LCAT: variants seen among roughly 807,000 people sequenced by gnomAD.
The protein encoded by LCAT is lecithin-cholesterol acyltransferase.
A neutral mutation model predicts 41.0 loss-of-function variants in LCAT; 15 were observed. The ratio of observed to expected loss-of-function variants is 0.37; its 90% confidence interval spans 0.24 to 0.56. LCAT has a LOEUF of 0.56. LCAT is among the 20% of genes least tolerant of loss of function. The probability of loss-of-function intolerance (pLI) is 0.81; values close to 1 mark genes in which losing one functional copy is unlikely to be tolerated. For missense variants in LCAT, 449 were observed against 595.1 expected (o/e 0.75, Z 2.55); for synonymous variants, 248 against 245.4 (o/e 1.01, Z -0.10).
chr16:67,940,360 G>T lies in LCAT; in HGVS notation c.867C>A (p.Phe289Leu), dbSNP rs761999436. 27 of 1,614,028 alleles carry T rather than the reference G, an allele frequency of 1.7e-5. No individual in the cohort carries two copies. In the Admixed American group the frequency reaches 4.5e-4, roughly 27 times the overall value. ...SRMAWPEDHV[F>L]ISTPSFNYTG... Reference sequence around the variant, plus strand: ...TGTAGTTGAAGCTGGGTGTGGAAATGAACACGTGGTCCTCAGGCCACGCCA... The same window carrying T: ...TGTAGTTGAAGCTGGGTGTGGAAATTAACACGTGGTCCTCAGGCCACGCCA... The change falls in exon 6 of 6, where the codon TTC (phenylalanine) becomes TTA (leucine). Residue 289 changes from phenylalanine (F) to leucine (L), a missense_variant. Transcript: ENST00000264005.
In LCAT at chr16:67,943,970, G is replaced by A. The variant is rs2058312643; in HGVS notation, c.132C>T (p.Asn44=). 6.5e-7 allele frequency: 1 copy of A among 1,548,212 alleles called. No homozygotes were observed. Among genetic ancestry groups the A allele is most frequent in the Non-Finnish European group, 8.7e-7 (1 of 1,145,454 alleles). ...PHTTPKAELS[N]HTRPVILVPG... is the part of the protein sequence containing the mutation. ...TACCGAGGATGACGGGCCGTGTGTG[G>A]TTACTGAGCTCAGCCTTGGGCGTGG... Residue 44 remains asparagine (N), a synonymous_variant, in exon 1 of 6, where the codon AAC becomes AAT. Transcript: ENST00000264005. The surrounding 1 kb of genome is among the most constrained non-coding windows in gnomAD (Gnocchi z 4.6).
rs1336993960 is a variant in LCAT at position 67,939,887 on chromosome 16, G to C, written c.*17C>G. 1.2e-6 allele frequency: 2 copies of C among 1,608,688 alleles called. No homozygotes were observed. The highest frequency in any genetic ancestry group is 3.3e-5 in the Admixed American group (2 of 59,908). Reference sequence around the variant, plus strand: ...TGAAACATAGCCATCAGGGCTTACGGTAGCAAAGGAAGGTCTTTATTCAGG... The same window carrying C: ...TGAAACATAGCCATCAGGGCTTACGCTAGCAAAGGAAGGTCTTTATTCAGG... On this transcript the variant is annotated 3_prime_UTR_variant, in exon 6 of 6. Transcript: ENST00000264005.
chr16:67,942,918 C>T lies in LCAT; in HGVS notation c.370G>A (p.Val124Ile), dbSNP rs753579128. Residue 124 changes from valine to isoleucine, a missense_variant, in exon 3 of 6, where the codon GTC becomes ATC. By Grantham distance (29) the Val-to-Ile change is conservative. Coordinates refer to ENST00000264005, the MANE Select transcript of LCAT (RefSeq NM_000229.2). This position sits in a 1 kb window ranked among gnomAD's most constrained non-coding sequence, Gnocchi z 6.6. ...VSNAPGVQIR[V>I]PGFGKTYSVE... Reference sequence around the variant, plus strand: ...GAGTAGGTCTTGCCAAAGCCAGGGACGCGGATCTGGACACCAGGGGCGTTG... The same window carrying T: ...GAGTAGGTCTTGCCAAAGCCAGGGATGCGGATCTGGACACCAGGGGCGTTG... 41 of 1,613,748 alleles carry T rather than the reference C, an allele frequency of 2.5e-5. No homozygotes were observed. The South Asian group carries it at 4.1e-4, about 16-fold the overall frequency.
chr16:67,940,124 C>A lies in LCAT; in HGVS notation c.1103G>T (p.Gly368Val), dbSNP rs768470128. 9.3e-6 allele frequency: 15 copies of A among 1,613,366 alleles called. No individual in the cohort carries two copies. Among genetic ancestry groups the A allele is most frequent in the Non-Finnish European group, 1.2e-5 (14 of 1,180,032 alleles). The change falls in exon 6 of 6, where the codon GGT becomes GTT. Residue 368 changes from glycine (G) to valine (V), a missense_variant. Physicochemically the swap from Gly to Val is moderately radical, Grantham distance 109. Transcript: ENST00000264005. ...GCTGCGGGTCGCCACCGTGTCATCA[C>A]CATCCTCATAGAGCACACCCACAGG... ...TDPVGVLYED[G>V]DDTVATRSTE...
At position 67,940,497 on chromosome 16, in the gene LCAT, G is replaced by A; in HGVS notation, c.749-19C>T. 1.2e-6 allele frequency: 2 copies of A among 1,613,514 alleles called. No individual in the cohort carries two copies. Among genetic ancestry groups the A allele is most frequent in the African/African-American group, 1.3e-5 (1 of 74,996 alleles). ...TTGTCACCTGTGGATATGGAGCAAG[G>A]TGGGACAGGGAGCCAGGCCTGGCTA... On this transcript the variant is annotated intron_variant, in intron 5 of 5. Coordinates refer to ENST00000264005, the MANE Select transcript of LCAT (RefSeq NM_000229.2).
Position 67,943,066 on chromosome 16 carries a change from C to T in LCAT, c.301G>A (p.Asp101Asn), listed in dbSNP as rs538148718. The change falls in exon 2 of 6, where the codon GAT (aspartate) becomes AAT (asparagine). Residue 101 changes from aspartate to asparagine, a missense_variant. Transcript: ENST00000264005. The surrounding 1 kb of genome is among the most constrained non-coding windows in gnomAD (Gnocchi z 4.6). ...FLPLGVDCWI[D>N]NTRVVYNRSS... ...AGCACATGGCTGTACCTGGTGTTAT[C>T]GATCCAGCAGTCTACCCCAAGGGGT... 10 of 1,613,948 alleles carry T rather than the reference C, an allele frequency of 6.2e-6. No homozygotes were observed. Among genetic ancestry groups the T allele is most frequent in the African/African-American group, 2.7e-5 (2 of 74,994 alleles).
chr16:67,939,773 A>T lies in LCAT; in HGVS notation c.*131T>A. ...CCAGCTCAGTCCCAGGCCTCAGCAG[A>T]GCCCATCTTGCCTCACTGCACACAG... On this transcript the variant is annotated 3_prime_UTR_variant, in exon 6 of 6. Coordinates refer to ENST00000264005, the MANE Select transcript of LCAT (RefSeq NM_000229.2). 6.8e-7 allele frequency: 1 copy of T among 1,474,010 alleles called. No individual in the cohort carries two copies. The highest frequency in any genetic ancestry group is 9.1e-7 in the Non-Finnish European group (1 of 1,096,964). The allele number at this position is 1,474,010 out of a possible 1,614,324, so 91.3% of individuals were successfully genotyped here. A position where few individuals can be genotyped will look rare whatever the true frequency, so the allele number is the denominator to read the frequency against.
In LCAT at chr16:67,942,898, G is replaced by A; in HGVS notation, c.390C>T (p.Thr130=). The A allele has an allele frequency of 6.2e-7, 1 of 1,613,866 alleles. No homozygotes were observed. The part of the protein sequence containing the change: ...VQIRVPGFGK[T]YSVEYLDSSK... Reference sequence around the variant, plus strand: ...TGCTGTCCAGGTACTCCACAGAGTAGGTCTTGCCAAAGCCAGGGACGCGGA... The same window carrying A: ...TGCTGTCCAGGTACTCCACAGAGTAAGTCTTGCCAAAGCCAGGGACGCGGA... Residue 130 remains threonine, a synonymous_variant, in exon 3 of 6, where the codon ACC becomes ACT. Transcript: ENST00000264005. This position sits in a 1 kb window ranked among gnomAD's most constrained non-coding sequence, Gnocchi z 6.6.
rs115439823 is a variant in LCAT, at chr16:67,940,626, T to C, written c.749-148A>G. ...AAGCCACAGGCTTGAGCAGGCCTGA[T>C]ATTCAATGATGCTCAGTGTCAGCTT... On this transcript the variant is annotated intron_variant, in intron 5 of 5. Coordinates refer to ENST00000264005, the MANE Select transcript of LCAT (RefSeq NM_000229.2). 9 of 1,300,138 alleles carry C rather than the reference T, an allele frequency of 6.9e-6. No homozygotes were observed. The African/African-American group carries it at 1.3e-4, about 19-fold the overall frequency. 80.5% of individuals were successfully genotyped at this position (1,300,138 alleles called of 1,614,324 possible). A position where few individuals can be genotyped will look rare whatever the true frequency, so the allele number is the denominator to read the frequency against.
chr16:67,943,732 C>T lies in LCAT; in HGVS notation c.154+216G>A, dbSNP rs1015784357. 1.2e-5 allele frequency: 7 copies of T among 580,166 alleles called. No individual in the cohort carries two copies. The highest frequency in any genetic ancestry group is 6.3e-5 in the Admixed American group (2 of 31,600). The allele number at this position is 580,166 out of a possible 1,614,324, so 35.9% of individuals were successfully genotyped here. A position where few individuals can be genotyped will look rare whatever the true frequency, so the allele number is the denominator to read the frequency against. On this transcript the variant is annotated intron_variant, in intron 1 of 5. Transcript: ENST00000264005. The surrounding 1 kb of genome is among the most constrained non-coding windows in gnomAD (Gnocchi z 4.6). Reference sequence around the variant, plus strand: ...AGGCACACCCCGTCCCCCACTCCGCCCCCCCTGGGTTAGACAACTGAGAGT... The same window carrying T: ...AGGCACACCCCGTCCCCCACTCCGCTCCCCCTGGGTTAGACAACTGAGAGT...
At chr16:67,940,636 T>C (rs1200383248) in intron 5 of LCAT, 158 bp from the exon 6 acceptor site, 14 of 1,246,042 alleles carry the variant, frequency 1.1e-5, no homozygotes, top group Middle Eastern at 2.8e-4. Flanking sequence ...TATTCAATGA[T>C]GCTCAGTGTC....
At position 67,943,909 on chromosome 16, in the gene LCAT, G is replaced by T; in HGVS notation, c.154+39C>A. On this transcript the variant is annotated intron_variant, in intron 1 of 5. Coordinates refer to ENST00000264005, the MANE Select transcript of LCAT (RefSeq NM_000229.2). This position sits in a 1 kb window ranked among gnomAD's most constrained non-coding sequence, Gnocchi z 4.6. Reference sequence around the variant, plus strand: ...AGGGGCTGGGGCCCAGGCTCCCCAGGGTCTGGCGTGGTGCATCAGGGGCCT... The same window carrying T: ...AGGGGCTGGGGCCCAGGCTCCCCAGTGTCTGGCGTGGTGCATCAGGGGCCT... 1 of 1,514,264 alleles carries T rather than the reference G, an allele frequency of 6.6e-7. No homozygotes were observed. Among genetic ancestry groups the T allele is most frequent in the Non-Finnish European group, 8.9e-7 (1 of 1,123,470 alleles). 93.8% of individuals were successfully genotyped at this position (1,514,264 alleles called of 1,614,324 possible).
At chr16:67,941,900 G>A (rs2151320570) in intron 5 of LCAT, 1 of 1,145,570 alleles carries the variant, frequency 8.7e-7, no homozygotes, top group African/African-American at 1.6e-5. Context: ...CCAGGGTACA[G>A]GGGGTGGGGA....
Position 67,943,427 on chromosome 16 carries a change from A to T in LCAT, c.155-215T>A. ...CTTCCCTGAGGAAGGGAAGGCGCTGAGGTGCTGAGGCCAAGGCCGCTGACC... is the reference window on the plus strand; with the variant it reads ...CTTCCCTGAGGAAGGGAAGGCGCTGTGGTGCTGAGGCCAAGGCCGCTGACC... On this transcript the variant is annotated intron_variant, in intron 1 of 5. Coordinates refer to ENST00000264005, the MANE Select transcript of LCAT (RefSeq NM_000229.2). This position sits in a 1 kb window ranked among gnomAD's most constrained non-coding sequence, Gnocchi z 4.6. 1 of 596,468 alleles carries T rather than the reference A, an allele frequency of 1.7e-6. No individual in the cohort carries two copies. The highest frequency in any genetic ancestry group is 3.0e-6 in the Non-Finnish European group (1 of 329,080). The allele number at this position is 596,468 out of a possible 1,614,324, so 36.9% of individuals were successfully genotyped here.
At position 67,943,045 on chromosome 16, in the gene LCAT, C is replaced by G; in HGVS notation, c.311+11G>C. 6.2e-7 allele frequency: 1 copy of G among 1,613,862 alleles called. No homozygotes were observed. The highest frequency in any genetic ancestry group is 8.5e-7 in the Non-Finnish European group (1 of 1,179,888). On this transcript the variant is annotated intron_variant, in intron 2 of 5. Coordinates refer to ENST00000264005, the MANE Select transcript of LCAT (RefSeq NM_000229.2). The surrounding 1 kb of genome is among the most constrained non-coding windows in gnomAD (Gnocchi z 4.6). ...AGCGTGTTGGGGCTAGGGTGGAGCACATGGCTGTACCTGGTGTTATCGATC... is the reference window on the plus strand; with the variant it reads ...AGCGTGTTGGGGCTAGGGTGGAGCAGATGGCTGTACCTGGTGTTATCGATC...
Position 67,940,088 on chromosome 16 carries a change from C to T in LCAT, c.1139G>A (p.Cys380Tyr), listed in dbSNP as rs1322799299. The T allele has an allele frequency of 8.7e-6, 14 of 1,613,030 alleles. No homozygotes were observed. Among genetic ancestry groups the T allele is most frequent in the Non-Finnish European group, 1.1e-5 (13 of 1,180,032 alleles). ...DTVATRSTEL[C>Y]GLWQGRQPQP... ...TGGCTGGCGGCCCTGCCACAGGCCA[C>T]AGAGCTCGGTGCTGCGGGTCGCCAC... The change falls in exon 6 of 6, where the codon TGT becomes TAT. Residue 380 changes from cysteine (C) to tyrosine (Y), a missense_variant. Transcript: ENST00000264005.
chr16:67,942,417 A>T lies in LCAT; in HGVS notation c.694T>A (p.Ser232Thr), dbSNP rs4986970. Residue 232 changes from serine (S) to threonine (T), a missense_variant, in exon 5 of 6, where the codon TCT becomes ACT. Ser to Thr is a moderately conservative substitution (Grantham distance 58). Transcript: ENST00000264005. The surrounding 1 kb of genome is among the most constrained non-coding windows in gnomAD (Gnocchi z 6.6). ...WKDRFIDGFI[S>T]LGAPWGGSIK... ...GAGCCACCCCAGGGAGCCCCAAGAG[A>T]GATGAAGCCATCAATAAAGCGGTCC... The T allele has an allele frequency of 0.026, 41,934 of 1,613,908 alleles. 650 individuals are homozygous for T. Among genetic ancestry groups the T allele is most frequent in the Non-Finnish European group, 0.032 (37,695 of 1,179,974 alleles).
In LCAT at chr16:67,943,454, C is replaced by T. The variant is rs2058305198; in HGVS notation, c.155-242G>A. 1 of 572,828 alleles carries T rather than the reference C, an allele frequency of 1.7e-6. No individual in the cohort carries two copies. Among genetic ancestry groups the T allele is most frequent in the Non-Finnish European group, 3.1e-6 (1 of 318,288 alleles). 35.5% of individuals were successfully genotyped at this position (572,828 alleles called of 1,614,324 possible). On this transcript the variant is annotated intron_variant, in intron 1 of 5. Coordinates refer to ENST00000264005, the MANE Select transcript of LCAT (RefSeq NM_000229.2). The surrounding 1 kb of genome is among the most constrained non-coding windows in gnomAD (Gnocchi z 4.6). ...GTGCTGAGGCCAAGGCCGCTGACCCCTGCCTCTGCAGAGCAAACACCCAGT... is the reference window on the plus strand; with the variant it reads ...GTGCTGAGGCCAAGGCCGCTGACCCTTGCCTCTGCAGAGCAAACACCCAGT...
At chr16:67,941,032 G>A (rs1277246703) in intron 5 of LCAT, among the ~76,000 whole-genome samples, 6 of 151,806 alleles carry the variant, frequency 4.0e-5, no homozygotes, top group African/African-American at 9.7e-5. Context: ...GGCCGGGTAC[G>A]GTGGCTCACA....
Sources: gnomAD v4.1 joint callset for allele counts (sites outside exome capture counted in the v4.1 genomes callset) on GRCh38, gnomAD v4.1.1 for gene constraint, Gnocchi (gnomAD v3.1) non-coding constraint, MANE v1.5 for transcripts, NCBI Gene and HGNC (gene_info 2026-07-23, HGNC 2026-07-21) for gene names.